Variants in USP35 observed in about 807,000 individuals in gnomAD.
USP35 encodes the protein ubiquitin specific peptidase 35.
USP35 carries 69 observed loss-of-function variants against 83.8 expected under a neutral mutation model. The ratio of observed to expected loss-of-function variants is 0.82; its 90% CI spans 0.68 to 1.01. The LOEUF is 1.01. USP35 is among the 50% of genes least tolerant of loss of function. The probability of loss-of-function intolerance (pLI) is 0.00; values close to 1 mark genes in which losing one functional copy is unlikely to be tolerated. For synonymous variants in USP35, 714 were observed against 589.5 expected (o/e 1.21, Z -3.06); for missense variants, 1,503 against 1,362.5 (o/e 1.10, Z -1.62).
intron 1 of USP35, among the ~76,000 whole-genome samples, chr11:78,195,545 C>T (rs1357373650): frequency 6.6e-6 from 1 of 152,158 alleles, no homozygotes; most frequent in Non-Finnish European, 1.5e-5. Context: ...TGCCCCATCT[C>T]ATCTCCCCCA....
chr11:78,209,724 C>G lies in USP35; in HGVS notation c.1869C>G (p.Ala623=), dbSNP rs1037194878. 1 of 1,614,050 alleles carries G rather than the reference C, an allele frequency of 6.2e-7. No homozygotes were observed. The highest frequency in any genetic ancestry group is 8.5e-7 in the Non-Finnish European group (1 of 1,179,982). The change falls in exon 10 of 11, where the codon GCC becomes GCG. Residue 623 remains alanine, a synonymous_variant. Transcript: ENST00000529308. ...SVMRPTEDIT[A]RELPPPTSAQ... The stretch of plus-strand genomic sequence containing the variant: ...TGCGCCCCACAGAAGACATCACAGC[C>G]CGGGAGTTGCCCCCACCAACCAGTG...
At chr11:78,222,284 A>G in the USP35 span, 3 of 805,124 alleles carry the variant, frequency 3.7e-6, no homozygotes, top group Non-Finnish European at 6.5e-6. Context: ...GCATGTTTAT[A>G]AAGGCCTGCA....
chr11:78,195,698 G>A (rs1373213632), intron 1 of USP35, among the ~76,000 whole-genome samples: 1 of 152,150 alleles, frequency 6.6e-6, no homozygotes, highest in Non-Finnish European at 1.5e-5. Context: ...TAGCCTTTGT[G>A]CGATTAAAGG....
chr11:78,200,338 C>A (rs1863310454), intron 5 of USP35, 104 bp downstream of exon 5: 4 of 1,371,044 alleles, frequency 2.9e-6, no homozygotes, highest in Admixed American at 3.8e-5. Flanking sequence ...TGACCCTGGG[C>A]TCTTGGGGCA....
chr11:78,196,137 T>C lies in USP35; in HGVS notation c.-10-99T>C. On this transcript the variant is annotated intron_variant, in intron 1 of 10. Transcript: ENST00000529308. This position sits in a 1 kb window ranked among gnomAD's most constrained non-coding sequence, Gnocchi z 4.8. ...ATGAGAAAACTGAGGCCCAGAAAGT[T>C]TGAGTTGCTTGCCCTAAGTCTCAGC... 6.9e-7 allele frequency: 1 copy of C among 1,440,662 alleles called. No homozygotes were observed. The highest frequency in any genetic ancestry group is 1.4e-5 in the South Asian group (1 of 69,676). The allele number at this position is 1,440,662 out of a possible 1,614,324, so 89.2% of individuals were successfully genotyped here.
intron 9 of USP35, 40 bp downstream of exon 9, chr11:78,209,003 G>T (rs778694882): frequency 6.3e-7 from 1 of 1,589,884 alleles, no homozygotes; most frequent in South Asian, 1.1e-5. Context: ...CAGGTCTAGA[G>T]GGTCCTTGGG....
chr11:78,193,080 A>G (rs1863048885), intron 1 of USP35, among the ~76,000 whole-genome samples: 1 of 152,186 alleles, frequency 6.6e-6, no homozygotes, highest in Non-Finnish European at 1.5e-5. Flanking sequence ...TAGCCATCCC[A>G]GGGGTCTGGG....
At chr11:78,224,825 G>A in the USP35 span, among the ~76,000 whole-genome samples, 3 of 151,988 alleles carry the variant, frequency 2.0e-5, no homozygotes, top group East Asian at 1.9e-4. Context: ...TTCCCCCACC[G>A]TGCAGCCTGG....
chr11:78,220,686 T>C, the USP35 span, among the ~76,000 whole-genome samples: 1 of 152,170 alleles, frequency 6.6e-6, no homozygotes, highest in Non-Finnish European at 1.5e-5. Flanking sequence ...TTCAGAGAAG[T>C]GACTTTGCCT....
At chr11:78,232,146 C>G in the USP35 span, among the ~76,000 whole-genome samples, 1 of 152,218 alleles carries the variant, frequency 6.6e-6, no homozygotes, top group East Asian at 1.9e-4. Flanking sequence ...ATCAAAGCCT[C>G]TGGTGAATGA....
At chr11:78,211,331 A>G (rs1165149414) in intron 10 of USP35, among the ~76,000 whole-genome samples, 1 of 151,996 alleles carries the variant, frequency 6.6e-6, no homozygotes, top group East Asian at 1.9e-4. Context: ...TATGTGCCAC[A>G]TTTTCTTTAT....
chr11:78,236,773 T>C, the USP35 span, among the ~76,000 whole-genome samples: 3 of 3,402 alleles, frequency 8.8e-4, no homozygotes, highest in East Asian at 4.3e-3. Flanking sequence ...ATTACTTTGA[T>C]TGTTTTTTTT....
chr11:78,227,054 A>C, the USP35 span: 1 of 1,593,348 alleles, frequency 6.3e-7, no homozygotes, highest in South Asian at 1.1e-5. Context: ...TGGCACTCCT[A>C]AAAGAGAAAG....
chr11:78,214,299 GGTACCTGCACTGTCT>G lies in USP35; in HGVS notation c.*493_*507del, dbSNP rs1461914062. The G allele has an allele frequency of 2.8e-5, 4 of 140,426 alleles. No homozygotes were observed. Among genetic ancestry groups the G allele is most frequent in the Non-Finnish European group, 4.5e-5 (3 of 66,660 alleles). The allele number at this position is 140,426 out of a possible 1,614,324, so 8.7% of individuals were successfully genotyped here. ...GTTTGTTTCTCATATGGGGGTGGGG[GGTACCTGCACTGTCT>G]GTACCTTTCTGAGAAGAACAGAGAC... On this transcript the variant is annotated 3_prime_UTR_variant, in exon 11 of 11. Coordinates refer to ENST00000529308, the MANE Select transcript of USP35 (RefSeq NM_020798.4).
downstream of USP35, chr11:78,218,062 ACCC>A (rs1211489889): frequency 2.0e-5 from 3 of 152,416 alleles, no homozygotes; most frequent in Non-Finnish European, 2.9e-5. Flanking sequence ...TGCGTTGGGC[ACCC>A]CCCAACTCCC....
At position 78,214,137 on chromosome 11, in the gene USP35, C is replaced by T; in HGVS notation, c.*324C>T. ...GGAAGATCTGATGATGTTCAGGAAA[C>T]AGGCTAGACCTCAGCTCCAATGTTT... On this transcript the variant is annotated 3_prime_UTR_variant, in exon 11 of 11. Coordinates refer to ENST00000529308, the MANE Select transcript of USP35 (RefSeq NM_020798.4). 3.9e-6 allele frequency: 1 copy of T among 258,288 alleles called. No individual in the cohort carries two copies. Among genetic ancestry groups the T allele is most frequent in the South Asian group, 8.2e-5 (1 of 12,230 alleles). 16.0% of individuals were successfully genotyped at this position (258,288 alleles called of 1,614,324 possible).
At chr11:78,212,314 C>T (rs1863815485) in intron 10 of USP35, among the ~76,000 whole-genome samples, 1 of 151,816 alleles carries the variant, frequency 6.6e-6, no homozygotes. Flanking sequence ...GTTTTTATAC[C>T]AGTACTATAC....
Position 78,209,980 on chromosome 11 carries a change from G to A in USP35, c.2125G>A (p.Glu709Lys), listed in dbSNP as rs749909036. 6.2e-7 allele frequency: 1 copy of A among 1,613,152 alleles called. No homozygotes were observed. The highest frequency in any genetic ancestry group is 8.5e-7 in the Non-Finnish European group (1 of 1,179,548). ...STRGEGEREK[E>K]EEVEEEEEKV... is the part of the protein sequence containing the mutation. ...CAGAGGGGAAGGAGAGAGGGAGAAAGAGGAGGAGGTGGAAGAGGAAGAAGA... is the reference window on the plus strand; with the variant it reads ...CAGAGGGGAAGGAGAGAGGGAGAAAAAGGAGGAGGTGGAAGAGGAAGAAGA... Residue 709 changes from glutamate (E) to lysine (K), a missense_variant, in exon 10 of 11, where the codon GAG (glutamate) becomes AAG (lysine). Transcript: ENST00000529308.
downstream of USP35, chr11:78,219,265 C>T: frequency 6.2e-7 from 1 of 1,612,354 alleles, no homozygotes; most frequent in Non-Finnish European, 8.5e-7. Context: ...CTGCGGTGGC[C>T]CTCTCATCAC....
Sources: gnomAD v4.1 joint callset for allele counts (sites outside exome capture counted in the v4.1 genomes callset) on GRCh38, gnomAD v4.1.1 for gene constraint, Gnocchi (gnomAD v3.1) non-coding constraint, MANE v1.5 for transcripts, NCBI Gene and HGNC (gene_info 2026-07-23, HGNC 2026-07-21) for gene names.